Variants in TTC17 observed in about 807,000 individuals in gnomAD.
The protein encoded by TTC17 is tetratricopeptide repeat protein 17.
TTC17 carries 58 observed loss-of-function variants against 143.8 expected under a neutral mutation model. The observed-to-expected ratio is 0.40, with a 90% CI of 0.33 to 0.50. The LOEUF (loss-of-function observed/expected upper bound fraction) is 0.50. Among genes scored for constraint, TTC17 ranks in the 20% least tolerant of loss-of-function variants. The pLI, the probability that TTC17 is intolerant of heterozygous loss-of-function variation, is 0.49. For missense variants in TTC17, 1,273 were observed against 1,392.5 expected (o/e 0.91, Z 1.37); for synonymous variants, 501 against 497.8 (o/e 1.01, Z -0.09).
intron 22 of TTC17, chr11:43,491,177 T>C (rs1421351768): frequency 1.3e-5 from 2 of 152,238 alleles, no homozygotes. Context: ...AATGAGCTCA[T>C]CTAGAGTCAT....
intron 1 of TTC17, among the ~76,000 whole-genome samples, chr11:43,364,397 T>C (rs1856247435): frequency 6.6e-6 from 1 of 152,168 alleles, no homozygotes; most frequent in Non-Finnish European, 1.5e-5. Flanking sequence ...AATTTTGGTC[T>C]GATGTTAAGT....
Position 43,493,994 on chromosome 11 carries a change from A to C in TTC17, c.*90A>C. The C allele has an allele frequency of 6.9e-7, 1 of 1,441,718 alleles. No individual in the cohort carries two copies. The highest frequency in any genetic ancestry group is 9.2e-7 in the Non-Finnish European group (1 of 1,082,858). The allele number at this position is 1,441,718 out of a possible 1,614,324, so 89.3% of individuals were successfully genotyped here. ...CAATCATTGTCAGTATCTACTATTA[A>C]TGATGTGTGTGAAAATAACTAAGAC... On this transcript the variant is annotated 3_prime_UTR_variant, in exon 24 of 24. Transcript: ENST00000039989.
chr11:43,443,905 A>G (rs1196336551), intron 17 of TTC17, 151 bp from the exon 18 acceptor site: 21 of 953,016 alleles, frequency 2.2e-5, no homozygotes, highest in Non-Finnish European at 3.1e-5. Flanking sequence ...TCATTTCACT[A>G]ACCATTTTTT....
intron 21 of TTC17, among the ~76,000 whole-genome samples, chr11:43,461,360 C>A (rs1947862488): frequency 7.7e-6 from 1 of 130,580 alleles, no homozygotes; most frequent in Non-Finnish European, 1.6e-5. Flanking sequence ...GTCCGCAGTC[C>A]GGCCTGGGCG....
intron 22 of TTC17, chr11:43,490,634 A>G: frequency 4.6e-6 from 1 of 216,266 alleles, no homozygotes; most frequent in Non-Finnish European, 9.0e-6. Context: ...TGCTGTGTTC[A>G]GAGCCACCCA....
At chr11:43,425,419 G>T (rs1349958007) in intron 16 of TTC17, among the ~76,000 whole-genome samples, 1 of 152,012 alleles carries the variant, frequency 6.6e-6, no homozygotes, top group Admixed American at 6.6e-5. Context: ...TAAGTGATTT[G>T]TGCCTCAGAA....
chr11:43,434,130 G>T (rs1238444005), intron 16 of TTC17, among the ~76,000 whole-genome samples: 4 of 150,602 alleles, frequency 2.7e-5, no homozygotes, highest in African/African-American at 9.8e-5. Context: ...AACTACCATT[G>T]CTCATGGCTT....
Position 43,494,012 on chromosome 11 carries a change from A to G in TTC17, c.*108A>G, listed in dbSNP as rs1248230879. 1.4e-6 allele frequency: 2 copies of G among 1,380,800 alleles called. No homozygotes were observed. Among genetic ancestry groups the G allele is most frequent in the Non-Finnish European group, 1.9e-6 (2 of 1,040,208 alleles). The allele number at this position is 1,380,800 out of a possible 1,614,324, so 85.5% of individuals were successfully genotyped here. A position where few individuals can be genotyped will look rare whatever the true frequency, so the allele number is the denominator to read the frequency against. ...ACTATTAATGATGTGTGTGAAAATA[A>G]CTAAGACTTATAACAGGACTTTTAC... is the stretch of plus-strand genomic sequence containing the variant. On this transcript the variant is annotated 3_prime_UTR_variant, in exon 24 of 24. Coordinates refer to ENST00000039989, the MANE Select transcript of TTC17 (RefSeq NM_018259.6).
intron 23 of TTC17, 80 bp downstream of exon 23, chr11:43,492,243 G>A (rs990531749): frequency 1.3e-6 from 2 of 1,501,632 alleles, no homozygotes; most frequent in African/African-American, 2.8e-5. Context: ...CTTTGAATAT[G>A]TCATTGCCCA....
intron 9 of TTC17, 58 bp downstream of exon 9, chr11:43,400,106 T>C: frequency 1.3e-6 from 2 of 1,547,344 alleles, no homozygotes; most frequent in South Asian, 2.5e-5. Flanking sequence ...TTAGCATGCT[T>C]TACTATCATA....
At chr11:43,370,096 T>C (rs1399520470) in intron 1 of TTC17, 1 of 455,440 alleles carries the variant, frequency 2.2e-6, no homozygotes, top group Admixed American at 2.4e-5. Context: ...CAGGAGCCCA[T>C]GCGTATCTCT....
intron 1 of TTC17, among the ~76,000 whole-genome samples, chr11:43,377,663 CT>C (rs1856813505): frequency 6.6e-6 from 1 of 152,154 alleles, no homozygotes; most frequent in African/African-American, 2.4e-5. Context: ...TCCTCTGTAT[CT>C]TTGCTGAACT....
At chr11:43,438,759 C>T (rs1169311580) in intron 16 of TTC17, among the ~76,000 whole-genome samples, 2 of 152,174 alleles carry the variant, frequency 1.3e-5, no homozygotes, top group Non-Finnish European at 2.9e-5. Flanking sequence ...CCATCCTCTG[C>T]TCCCTAAACT....
At chr11:43,419,872 A>C (rs1475425942) in intron 16 of TTC17, among the ~76,000 whole-genome samples, 1 of 152,174 alleles carries the variant, frequency 6.6e-6, no homozygotes, top group Non-Finnish European at 1.5e-5. Flanking sequence ...CAGCATTTTA[A>C]ATATGCTACT....
At chr11:43,418,100 TA>T (rs1554991524) in intron 16 of TTC17, among the ~76,000 whole-genome samples, 9 of 152,220 alleles carry the variant, frequency 5.9e-5, no homozygotes, top group Admixed American at 2.0e-4. Flanking sequence ...ATCACTATGC[TA>T]AAAAAATTTT....
Position 43,389,927 on chromosome 11 carries a change from G to A in TTC17, c.419+106G>A, listed in dbSNP as rs1857312438. 6 of 1,052,576 alleles carry A rather than the reference G, an allele frequency of 5.7e-6. No individual in the cohort carries two copies. In the South Asian group the frequency reaches 1.1e-4, roughly 19 times the overall value. 65.2% of individuals were successfully genotyped at this position (1,052,576 alleles called of 1,614,324 possible). On this transcript the variant is annotated intron_variant, in intron 3 of 23. Coordinates refer to ENST00000039989, the MANE Select transcript of TTC17 (RefSeq NM_018259.6). Reference sequence around the variant, plus strand: ...ATAAGGGTAAGCTTCAATCACAGATGAGTTTTCGAATTTGAAAATTCAAAA... The same window carrying A: ...ATAAGGGTAAGCTTCAATCACAGATAAGTTTTCGAATTTGAAAATTCAAAA...
intron 1 of TTC17, among the ~76,000 whole-genome samples, chr11:43,374,256 C>T (rs1347891084): frequency 6.6e-6 from 1 of 152,038 alleles, no homozygotes; most frequent in Non-Finnish European, 1.5e-5. Flanking sequence ...TACCTTTTAC[C>T]ATATACAGAA....
At chr11:43,443,934 TAAACTC>T (rs1306570449) in intron 17 of TTC17, 116 bp from the exon 18 acceptor site, 4 of 1,170,326 alleles carry the variant, frequency 3.4e-6, no homozygotes, top group Non-Finnish European at 4.8e-6. Flanking sequence ...CTTTAAGAAT[TAAACTC>T]AAGGAGAGAA....
intron 16 of TTC17, among the ~76,000 whole-genome samples, chr11:43,423,265 G>A (rs1016035298): frequency 2.0e-5 from 3 of 152,180 alleles, no homozygotes; most frequent in African/African-American, 7.2e-5. Flanking sequence ...TCTAACTTTG[G>A]TAACTGGATA....
Sources: allele counts gnomAD v4.1 joint callset (sites outside exome capture counted in the v4.1 genomes callset), GRCh38; gene constraint gnomAD v4.1.1; transcripts MANE v1.5; gene names NCBI Gene and HGNC (gene_info 2026-07-23, HGNC 2026-07-21).